KLF8: variants seen among roughly 807,000 people sequenced by gnomAD.
KLF8 encodes the protein Krueppel-like factor 8.
In KLF8, 10 loss-of-function variants were observed where a neutral mutation model predicts 18.2. The ratio of observed to expected loss-of-function variants is 0.55; its 90% CI spans 0.34 to 0.93. The LOEUF (loss-of-function observed/expected upper bound fraction) is 0.93. Among genes scored for constraint, KLF8 ranks in the 40% least tolerant of loss-of-function variants. The pLI, the probability that KLF8 is intolerant of heterozygous loss-of-function variation, is 0.02. For missense variants in KLF8, 264 were observed against 277.9 expected (o/e 0.95, Z 0.36); for synonymous variants, 109 against 97.3 (o/e 1.12, Z -0.71).
chrX:55,968,861 A>T, the KLF8 span, among the ~76,000 whole-genome samples: 16 of 111,984 alleles, frequency 1.4e-4, no homozygotes, highest in Admixed American at 2.8e-4. Flanking sequence ...CTGATACAGA[A>T]GGTCATTATG....
At chrX:56,144,480 T>C in the KLF8 span, among the ~76,000 whole-genome samples, 1 of 109,702 alleles carries the variant, frequency 9.1e-6, no homozygotes, top group South Asian at 4.0e-4. Context: ...CTGGGCGCGG[T>C]GGCTCACGCC....
the KLF8 span, among the ~76,000 whole-genome samples, chrX:56,105,708 C>A: frequency 2.7e-5 from 3 of 111,029 alleles, no homozygotes; most frequent in Admixed American, 2.9e-4. Context: ...AGCACATTTG[C>A]ATTTAAGGTT....
chrX:56,026,452 A>G, the KLF8 span, among the ~76,000 whole-genome samples: 2 of 111,772 alleles, frequency 1.8e-5, no homozygotes, highest in Admixed American at 9.5e-5. Flanking sequence ...CTATGATATA[A>G]TACTTTGTAA....
the KLF8 span, among the ~76,000 whole-genome samples, chrX:56,041,827 C>T: frequency 9.0e-6 from 1 of 111,281 alleles, no homozygotes; most frequent in Non-Finnish European, 1.9e-5. Context: ...ATAGCTGGGA[C>T]TACAGGCACA....
chrX:56,179,824 C>G, the KLF8 span, among the ~76,000 whole-genome samples: 1 of 111,988 alleles, frequency 8.9e-6, no homozygotes, highest in African/African-American at 3.2e-5. Context: ...AACAGCCTTG[C>G]ATCCCAGGGA....
At chrX:55,935,612 G>A in the KLF8 span, among the ~76,000 whole-genome samples, 1 of 112,131 alleles carries the variant, frequency 8.9e-6, no homozygotes, top group Non-Finnish European at 1.9e-5. Context: ...AGTATGCATA[G>A]CAGTGCTAAA....
At chrX:56,067,492 A>T in the KLF8 span, among the ~76,000 whole-genome samples, 1 of 110,962 alleles carries the variant, frequency 9.0e-6, no homozygotes, top group African/African-American at 3.3e-5. Context: ...CAAAGAAAGG[A>T]AACAAAAGGG....
chrX:56,064,174 C>T, the KLF8 span, among the ~76,000 whole-genome samples: 1 of 104,144 alleles, frequency 9.6e-6, no homozygotes, highest in Admixed American at 1.0e-4. Flanking sequence ...TATATATATG[C>T]AGGATGCAGT....
chrX:56,013,201 AG>A, the KLF8 span, among the ~76,000 whole-genome samples: 1 of 112,884 alleles, frequency 8.9e-6, no homozygotes, highest in Non-Finnish European at 1.9e-5. Flanking sequence ...TGGAACTTTA[AG>A]GTTTAATGAC....
At chrX:56,058,302 A>ATACATATATATATG in the KLF8 span, among the ~76,000 whole-genome samples, 1 of 66,483 alleles carries the variant, frequency 1.5e-5, no homozygotes, top group African/African-American at 7.0e-5. Flanking sequence ...ATATATATAT[A>ATACATATATATATG]TATATATATA....
chrX:56,223,109 A>C, the KLF8 span, among the ~76,000 whole-genome samples: 3 of 113,076 alleles, frequency 2.7e-5, no homozygotes, highest in African/African-American at 9.6e-5. Context: ...GCAGGCTGTC[A>C]CCTCTCACTA....
In KLF8 at chrX:56,253,510, A is replaced by G. The variant is rs1487542326; in HGVS notation, c.81+3206A>G. 2.7e-5 allele frequency among the ~76,000 whole-genome samples: 3 copies of G among 111,168 alleles called. No homozygotes were observed. In the South Asian group the frequency reaches 1.1e-3, roughly 42 times the overall value. On this transcript the variant is annotated intron_variant, in intron 2 of 5. Coordinates refer to ENST00000468660, the MANE Select transcript of KLF8 (RefSeq NM_007250.5). Reference sequence around the variant, plus strand: ...GTTCCTGGCACCTTTGTAAAAAATGAATTCTTTGTAGATGTATGGCTTTAT... The same window carrying G: ...GTTCCTGGCACCTTTGTAAAAAATGGATTCTTTGTAGATGTATGGCTTTAT...
At chrX:56,170,060 T>A in the KLF8 span, among the ~76,000 whole-genome samples, 1 of 110,874 alleles carries the variant, frequency 9.0e-6, no homozygotes, top group Non-Finnish European at 1.9e-5. Context: ...ATCAATAGAA[T>A]TTTTCTGTAT....
chrX:56,011,770 T>C, the KLF8 span, among the ~76,000 whole-genome samples: 3 of 111,560 alleles, frequency 2.7e-5, no homozygotes, highest in African/African-American at 9.8e-5. Context: ...ATGATAAATG[T>C]GATATCACTA....
the KLF8 span, among the ~76,000 whole-genome samples, chrX:55,992,393 A>G: frequency 8.9e-6 from 1 of 112,195 alleles, no homozygotes; most frequent in African/African-American, 3.2e-5. Flanking sequence ...GACTTTGTCA[A>G]GGTCAGATGA....
chrX:56,254,126 T>C (rs1008757620), intron 2 of KLF8, among the ~76,000 whole-genome samples: 1 of 111,125 alleles, frequency 9.0e-6, no homozygotes, highest in Non-Finnish European at 1.9e-5. Context: ...AAGAATGTCA[T>C]TGGTATTTTG....
intron 1 of KLF8, chrX:56,243,011 C>T (rs1276529340): frequency 8.0e-6 from 4 of 499,142 alleles, no homozygotes; most frequent in Non-Finnish European, 1.5e-5. Context: ...GCCTTCTTCT[C>T]TCCATCAGGT....
At chrX:56,082,213 T>G in the KLF8 span, among the ~76,000 whole-genome samples, 1 of 112,106 alleles carries the variant, frequency 8.9e-6, no homozygotes, top group Non-Finnish European at 1.9e-5. Flanking sequence ...TTTAAAATTT[T>G]ATTTACCTTA....
chrX:56,084,968 C>A, the KLF8 span, among the ~76,000 whole-genome samples: 3 of 111,896 alleles, frequency 2.7e-5, no homozygotes, highest in Non-Finnish European at 5.6e-5. Context: ...CCTCCTGATT[C>A]TAGACAGCTG....
Sources: allele counts gnomAD v4.1 joint callset (sites outside exome capture counted in the v4.1 genomes callset), GRCh38; gene constraint gnomAD v4.1.1; transcripts MANE v1.5; gene names NCBI Gene and HGNC (gene_info 2026-07-23, HGNC 2026-07-21).